Variants in ABTB2 observed in about 807,000 individuals in gnomAD.
ABTB2 encodes ankyrin repeat and BTB domain containing 2.
A neutral mutation model predicts 104.1 loss-of-function variants in ABTB2; 56 were observed. That is an observed-to-expected ratio of 0.54 (90% CI 0.43 to 0.67). The LOEUF (loss-of-function observed/expected upper bound fraction) is 0.67. Ranked by LOEUF, ABTB2 falls within the 30% of genes least tolerant of loss-of-function variation. The pLI is 0.00. For missense variants in ABTB2, 1,279 were observed against 1,407.7 expected (o/e 0.91, Z 1.46); for synonymous variants, 606 against 608.2 (o/e 1.00, Z 0.05).
chr11:34,172,395 A>AATATATATATATATAT (rs71037402), intron 4 of ABTB2, among the ~76,000 whole-genome samples: 3 of 29,048 alleles, frequency 1.0e-4, no homozygotes, highest in Admixed American at 8.4e-4. Flanking sequence ...AAAAAAAAAA[A>AATATATATATATATAT]ATATATATAT....
intron 5 of ABTB2, among the ~76,000 whole-genome samples, chr11:34,169,667 GA>G (rs1852843253): frequency 6.6e-6 from 1 of 152,122 alleles, no homozygotes; most frequent in Non-Finnish European, 1.5e-5. Flanking sequence ...GCCCCCACGA[GA>G]TCCCACAGCA....
chr11:34,330,057 G>A (rs1326107142), intron 1 of ABTB2, among the ~76,000 whole-genome samples: 1 of 152,196 alleles, frequency 6.6e-6, no homozygotes, highest in East Asian at 1.9e-4. Flanking sequence ...TTCACTTGGG[G>A]AATACTGCTT....
At chr11:34,175,807 C>G (rs1852953204) in intron 3 of ABTB2, among the ~76,000 whole-genome samples, 2 of 152,344 alleles carry the variant, frequency 1.3e-5, no homozygotes, top group South Asian at 4.1e-4. Context: ...GTGACTCACC[C>G]CTGTTACCAG....
At chr11:34,340,714 G>C (rs185443566) in intron 1 of ABTB2, among the ~76,000 whole-genome samples, 3 of 152,270 alleles carry the variant, frequency 2.0e-5, no homozygotes, top group Admixed American at 1.3e-4. Flanking sequence ...AAGTTCCAAG[G>C]AGCCCCAGAT....
At chr11:34,248,902 G>A (rs1356908467) in intron 1 of ABTB2, among the ~76,000 whole-genome samples, 2 of 152,136 alleles carry the variant, frequency 1.3e-5, no homozygotes, top group Non-Finnish European at 2.9e-5. Flanking sequence ...AGGCCAAGGC[G>A]GGCCGATCAC....
At chr11:34,297,627 G>A (rs981995883) in intron 1 of ABTB2, among the ~76,000 whole-genome samples, 3 of 151,930 alleles carry the variant, frequency 2.0e-5, no homozygotes, top group South Asian at 2.1e-4. Flanking sequence ...TTAGCTGGGC[G>A]TAGTGGCGCA....
chr11:34,204,458 G>A (rs1180605236), intron 2 of ABTB2, 86 bp downstream of exon 2: 1 of 1,457,342 alleles, frequency 6.9e-7, no homozygotes, highest in African/African-American at 1.4e-5. Context: ...CTTGGAGGAG[G>A]AGGAGGCGAG....
At chr11:34,186,115 GC>G (rs1853095371) in intron 3 of ABTB2, among the ~76,000 whole-genome samples, 1 of 152,228 alleles carries the variant, frequency 6.6e-6, no homozygotes. Context: ...GCACCGCTCC[GC>G]CCAACCTCCA....
At chr11:34,238,376 T>G (rs1853871657) in intron 1 of ABTB2, among the ~76,000 whole-genome samples, 1 of 152,234 alleles carries the variant, frequency 6.6e-6, no homozygotes, top group South Asian at 2.1e-4. Flanking sequence ...ATATGATTCA[T>G]TCTATTATTT....
At chr11:34,176,863 G>T (rs1852966389) in intron 3 of ABTB2, among the ~76,000 whole-genome samples, 1 of 152,140 alleles carries the variant, frequency 6.6e-6, no homozygotes, top group Non-Finnish European at 1.5e-5. Flanking sequence ...TGTAGTCTAG[G>T]AAGAAACAAC....
chr11:34,181,724 A>G (rs936650407), intron 3 of ABTB2, among the ~76,000 whole-genome samples: 46 of 152,314 alleles, frequency 3.0e-4, no homozygotes, highest in African/African-American at 1.1e-3. Context: ...ACACTGTGCC[A>G]CAGGCTTGCT....
At chr11:34,187,100 G>A (rs190958281) in intron 3 of ABTB2, among the ~76,000 whole-genome samples, 51 of 152,204 alleles carry the variant, frequency 3.4e-4, no homozygotes, top group Non-Finnish European at 6.2e-4. Flanking sequence ...CGCTATAAAT[G>A]GGAATGTAAT....
At chr11:34,281,921 CTA>C in intron 1 of ABTB2, among the ~76,000 whole-genome samples, 1 of 152,296 alleles carries the variant, frequency 6.6e-6, no homozygotes, top group Non-Finnish European at 1.5e-5. Context: ...GACAAATAAA[CTA>C]TAAATCAAAA....
At position 34,160,538 on chromosome 11, in the gene ABTB2, T is replaced by C. The variant is rs145437595; in HGVS notation, c.2398-185A>G. Among the ~76,000 whole-genome samples the C allele has an allele frequency of 5.3e-5, 8 of 152,068 alleles. No individual in the cohort carries two copies. The East Asian group carries it at 1.6e-3, about 30-fold the overall frequency. On this transcript the variant is annotated intron_variant, in intron 11 of 16. Transcript: ENST00000435224. The stretch of plus-strand genomic sequence containing the variant: ...CATCAGTGATTCCCGAAATGGCTTT[T>C]TTGGTCAGGTTCCAGCCCATGGCCC...
At chr11:34,227,687 A>G (rs1439751355) in intron 1 of ABTB2, among the ~76,000 whole-genome samples, 2 of 152,192 alleles carry the variant, frequency 1.3e-5, no homozygotes, top group Admixed American at 1.3e-4. Flanking sequence ...CTTGGTATAT[A>G]TGAGTGGAAC....
At chr11:34,307,690 G>T (rs983822998) in intron 1 of ABTB2, among the ~76,000 whole-genome samples, 2 of 147,938 alleles carry the variant, frequency 1.4e-5, no homozygotes, top group African/African-American at 5.2e-5. Flanking sequence ...CTCATAGTTA[G>T]GTGACTCTCT....
intron 1 of ABTB2, chr11:34,335,223 A>G (rs1855179514): frequency 1.6e-6 from 2 of 1,270,472 alleles, no homozygotes; most frequent in Non-Finnish European, 2.3e-6. Context: ...CACTTTAAGC[A>G]TCGAAGGTCA....
intron 4 of ABTB2, 37 bp from the exon 5 acceptor site, chr11:34,171,108 T>G (rs763476885): frequency 1.3e-6 from 2 of 1,599,770 alleles, no homozygotes; most frequent in East Asian, 2.2e-5. Context: ...TGTGACTGTA[T>G]GCAGACAGCA....
chr11:34,195,319 T>A (rs917299025), intron 3 of ABTB2, among the ~76,000 whole-genome samples: 3 of 152,188 alleles, frequency 2.0e-5, no homozygotes, highest in Non-Finnish European at 4.4e-5. Context: ...GCTGACTCCT[T>A]CAACCACAAC....
Sources: gnomAD v4.1 joint callset for allele counts (sites outside exome capture counted in the v4.1 genomes callset) on GRCh38, gnomAD v4.1.1 for gene constraint, MANE v1.5 for transcripts, NCBI Gene and HGNC (gene_info 2026-07-23, HGNC 2026-07-21) for gene names.